The following CACNB2 variants were observed in gnomAD, a reference collection of about 807,000 sequenced individuals.
The protein encoded by CACNB2 is calcium voltage-gated channel auxiliary subunit beta 2, also known as voltage-dependent L-type calcium channel subunit beta-2.
A neutral mutation model predicts 73.3 loss-of-function variants in CACNB2; 42 were observed. The observed-to-expected ratio is 0.57, with a 90% CI of 0.45 to 0.74. The LOEUF is 0.74. Ranked by LOEUF, CACNB2 falls within the 30% of genes least tolerant of loss-of-function variation. CACNB2 has a pLI of 0.00. For synonymous variants in CACNB2, 348 were observed against 310.3 expected, an observed-to-expected ratio of 1.12 and a Z score of -1.28; for missense variants, 940 against 853.0, an observed-to-expected ratio of 1.10 and a Z score of -1.27.
intron 2 of CACNB2, among the ~76,000 whole-genome samples, chr10:18,188,842 AGACTGGG>A (rs1161202701): frequency 6.6e-6 from 1 of 152,202 alleles, no homozygotes; most frequent in Non-Finnish European, 1.5e-5. Context: ...ACCACTGTTA[AGACTGGG>A]GACTAGTTCT....
chr10:18,309,569 T>G (rs2131877935), intron 2 of CACNB2, among the ~76,000 whole-genome samples: 1 of 152,296 alleles, frequency 6.6e-6, no homozygotes, highest in African/African-American at 2.4e-5. Context: ...GCGATTCTCC[T>G]GACTCAGCCT....
intron 3 of CACNB2, among the ~76,000 whole-genome samples, chr10:18,450,076 C>T (rs1221311683): frequency 6.6e-6 from 1 of 152,216 alleles, no homozygotes; most frequent in Non-Finnish European, 1.5e-5. Context: ...CTCTGTATAT[C>T]CCTTGGGTCT....
Position 18,367,929 on chromosome 10 carries a change from T to A in CACNB2, c.214-33995T>A, listed in dbSNP as rs369938691. ...GACTTAAGAATTCTAAGTTTGACTG[T>A]TAAGAAACGAACCTATGTTAAAGAA... On this transcript the variant is annotated intron_variant, in intron 2 of 13. Transcript: ENST00000324631. Among the ~76,000 whole-genome samples, 6 of 152,332 alleles carry A rather than the reference T, an allele frequency of 3.9e-5. No homozygotes were observed. The East Asian group carries it at 7.7e-4, about 20-fold the overall frequency.
At chr10:18,201,360 C>T (rs531575794) in intron 2 of CACNB2, among the ~76,000 whole-genome samples, 22 of 151,790 alleles carry the variant, frequency 1.4e-4, no homozygotes, top group East Asian at 1.9e-4. Context: ...CTGCAACCTC[C>T]GTCTCCTGGG....
At chr10:18,268,989 C>T (rs565684692) in intron 2 of CACNB2, among the ~76,000 whole-genome samples, 1 of 152,126 alleles carries the variant, frequency 6.6e-6, no homozygotes, top group East Asian at 1.9e-4. Context: ...CCCAAATGTC[C>T]TTTAGGTCTG....
Position 18,541,316 on chromosome 10 carries a change from A to G in CACNB2, c.*1592A>G, listed in dbSNP as rs927119656. 1 of 152,656 alleles carries G rather than the reference A, an allele frequency of 6.6e-6. No individual in the cohort carries two copies. Among genetic ancestry groups the G allele is most frequent in the African/African-American group, 2.4e-5 (1 of 41,466 alleles). The allele number at this position is 152,656 out of a possible 1,614,324, so 9.5% of individuals were successfully genotyped here. ...TAAAATGTTAAGAATATTATCCTAC[A>G]TAAGACATGTACACAGAAGGGGAAC... On this transcript the variant is annotated 3_prime_UTR_variant, in exon 14 of 14. Transcript: ENST00000324631.
At chr10:18,263,555 T>C (rs1384299230) in intron 2 of CACNB2, among the ~76,000 whole-genome samples, 1 of 152,224 alleles carries the variant, frequency 6.6e-6, no homozygotes, top group Non-Finnish European at 1.5e-5. Flanking sequence ...TGCACCTGTG[T>C]GTGCATGTGT....
chr10:18,268,129 A>C (rs952368315), intron 2 of CACNB2, among the ~76,000 whole-genome samples: 1 of 152,206 alleles, frequency 6.6e-6, no homozygotes, highest in Admixed American at 6.5e-5. Flanking sequence ...CCCTTTTAGA[A>C]GGATGCCTTC....
intron 2 of CACNB2, among the ~76,000 whole-genome samples, chr10:18,236,843 C>T (rs1190465748): frequency 1.3e-5 from 2 of 152,234 alleles, no homozygotes; most frequent in Non-Finnish European, 2.9e-5. Flanking sequence ...TCTGAGCCTC[C>T]TCTCGGCTAA....
intron 3 of CACNB2, among the ~76,000 whole-genome samples, chr10:18,416,740 C>G (rs2044991567): frequency 6.6e-6 from 1 of 152,130 alleles, no homozygotes; most frequent in South Asian, 2.1e-4. Flanking sequence ...CAAGCAGGAA[C>G]TATAGCGTAT....
At chr10:18,174,767 T>C (rs554050220) in intron 2 of CACNB2, among the ~76,000 whole-genome samples, 2 of 152,274 alleles carry the variant, frequency 1.3e-5, no homozygotes, top group South Asian at 2.1e-4. Flanking sequence ...TACAGACAAG[T>C]ATGTGTGCCA....
intron 3 of CACNB2, among the ~76,000 whole-genome samples, chr10:18,482,895 C>T (rs2048859898): frequency 6.6e-6 from 1 of 152,116 alleles, no homozygotes; most frequent in Non-Finnish European, 1.5e-5. Flanking sequence ...ATAACCTTGC[C>T]TCTAACAATG....
At chr10:18,408,775 T>A (rs1047925343) in intron 3 of CACNB2, among the ~76,000 whole-genome samples, 2 of 152,132 alleles carry the variant, frequency 1.3e-5, no homozygotes, top group African/African-American at 4.8e-5. Flanking sequence ...AAAAGGTTCT[T>A]TAGGGATGAG....
chr10:18,513,091 T>A (rs1412917277), intron 6 of CACNB2: 1 of 142,272 alleles, frequency 7.0e-6, no homozygotes, highest in Non-Finnish European at 1.5e-5. Flanking sequence ...CACCAAACAG[T>A]GACCATAACC....
At chr10:18,246,742 G>A (rs1169503660) in intron 2 of CACNB2, among the ~76,000 whole-genome samples, 4 of 152,024 alleles carry the variant, frequency 2.6e-5, no homozygotes, top group African/African-American at 7.2e-5. Context: ...CACCAGGCCC[G>A]GCTAATTTTC....
intron 2 of CACNB2, among the ~76,000 whole-genome samples, chr10:18,319,425 C>A (rs2040314012): frequency 1.3e-5 from 2 of 151,538 alleles, no homozygotes; most frequent in Non-Finnish European, 2.9e-5. Context: ...GGGAGGGGAC[C>A]AACCCACACC....
rs180756920 is a variant in CACNB2 at position 18,322,756 on chromosome 10, C to T, written c.214-79168C>T. The stretch of plus-strand genomic sequence containing the variant: ...AAGTATCTTATTTTTGCGTTAGAGA[C>T]CACAGCTGGCTAAGTCATTTACATT... On this transcript the variant is annotated intron_variant, in intron 2 of 13. Transcript: ENST00000324631. Among the ~76,000 whole-genome samples the T allele has an allele frequency of 3.9e-5, 6 of 152,124 alleles. No homozygotes were observed. In the East Asian group the frequency reaches 5.8e-4, roughly 15 times the overall value.
At chr10:18,440,082 TG>T (rs2046337989) in intron 3 of CACNB2, among the ~76,000 whole-genome samples, 1 of 152,190 alleles carries the variant, frequency 6.6e-6, no homozygotes, top group Non-Finnish European at 1.5e-5. Flanking sequence ...ATTCAGTGTC[TG>T]GGGAAGGTTT....
At chr10:18,263,038 G>A (rs1408208667) in intron 2 of CACNB2, among the ~76,000 whole-genome samples, 1 of 152,092 alleles carries the variant, frequency 6.6e-6, no homozygotes, top group Admixed American at 6.6e-5. Flanking sequence ...TAAAAGAAAT[G>A]CATACCCTTG....
Sources: allele counts gnomAD v4.1 joint callset (sites outside exome capture counted in the v4.1 genomes callset), GRCh38; gene constraint gnomAD v4.1.1; transcripts MANE v1.5; gene names NCBI Gene and HGNC (gene_info 2026-07-23, HGNC 2026-07-21).